SPINK1: variants seen among roughly 807,000 people sequenced by gnomAD.
SPINK1 encodes serine protease inhibitor Kazal-type 1.
A neutral mutation model predicts 9.5 loss-of-function variants in SPINK1; 5 were observed. That is an observed-to-expected ratio of 0.52 (90% CI 0.27 to 1.10). The LOEUF (loss-of-function observed/expected upper bound fraction) is 1.10, where lower values mean the gene tolerates loss of function less well. Among genes scored for constraint, SPINK1 ranks in the 50% least tolerant of loss-of-function variants. The probability of loss-of-function intolerance (pLI) is 0.11; values close to 1 mark genes in which losing one functional copy is unlikely to be tolerated. For missense variants in SPINK1, 88 were observed against 92.7 expected (o/e 0.95, Z 0.21); for synonymous variants, 37 against 32.3 (o/e 1.14, Z -0.49).
At chr5:147,833,772 A>T (rs2127140985), upstream of SPINK1, among the ~76,000 whole-genome samples, 1 of 152,292 alleles carries the variant, frequency 6.6e-6, no homozygotes, top group Non-Finnish European at 1.5e-5. Context: ...TGCAAATTTG[A>T]TCATGTATCT....
chr5:147,832,835 C>T (rs187075365), upstream of SPINK1, among the ~76,000 whole-genome samples: 23 of 152,278 alleles, frequency 1.5e-4, 1 homozygote, highest in East Asian at 4.4e-3. Flanking sequence ...TCAAACCCTT[C>T]CCAAGTCATG....
At chr5:147,828,922 C>A (rs2127134975) in intron 2 of SPINK1, among the ~76,000 whole-genome samples, 1 of 152,126 alleles carries the variant, frequency 6.6e-6, no homozygotes, top group Admixed American at 6.5e-5. Context: ...CAAAATAACC[C>A]CTCAGTTACT....
chr5:147,834,620 T>C (rs1047671873), upstream of SPINK1, among the ~76,000 whole-genome samples: 2 of 152,126 alleles, frequency 1.3e-5, no homozygotes, highest in African/African-American at 2.4e-5. Context: ...GGTTCATATA[T>C]GAGAAAAGGA....
In SPINK1 at chr5:147,827,351, G is replaced by A. The variant is rs889082209; in HGVS notation, c.194+671C>T. ...CGGCTGGCATTCTATTCTTTTCATG[G>A]ATCCTTTCTTGGCCCCTTTTAATAA... is the stretch of plus-strand genomic sequence containing the variant. On this transcript the variant is annotated intron_variant, in intron 3 of 3. Transcript: ENST00000296695. 5 of 152,416 alleles carry A rather than the reference G, an allele frequency of 3.3e-5. No individual in the cohort carries two copies. In the East Asian group the frequency reaches 9.6e-4, roughly 29 times the overall value. The allele number at this position is 152,416 out of a possible 1,614,324, so 9.4% of individuals were successfully genotyped here.
intron 1 of SPINK1, among the ~76,000 whole-genome samples, chr5:147,830,682 T>C (rs184729620): frequency 1.3e-4 from 20 of 152,294 alleles, no homozygotes; most frequent in African/African-American, 4.1e-4. Flanking sequence ...TTGCCATAAA[T>C]ATTCAGCAAA....
upstream of SPINK1, among the ~76,000 whole-genome samples, chr5:147,836,282 T>C (rs1317747783): frequency 1.4e-5 from 2 of 144,972 alleles, no homozygotes; most frequent in Non-Finnish European, 3.0e-5. Flanking sequence ...TTAACAGATA[T>C]GGTATTTACT....
chr5:147,835,415 T>G (rs1756580155), upstream of SPINK1, among the ~76,000 whole-genome samples: 1 of 152,076 alleles, frequency 6.6e-6, no homozygotes, highest in Non-Finnish European at 1.5e-5. Flanking sequence ...GAATAAATAT[T>G]GTTTGCCCCG....
chr5:147,826,225 G>C (rs1756401466), intron 3 of SPINK1, among the ~76,000 whole-genome samples: 1 of 152,198 alleles, frequency 6.6e-6, no homozygotes, highest in Non-Finnish European at 1.5e-5. Context: ...TTATCTACTT[G>C]TCTCAAACTA....
chr5:147,828,498 C>A (rs1356254739), intron 2 of SPINK1, among the ~76,000 whole-genome samples: 1 of 152,128 alleles, frequency 6.6e-6, no homozygotes, highest in Non-Finnish European at 1.5e-5. Context: ...CTCAGGTTGG[C>A]CACATCTTGG....
chr5:147,825,352 C>T (rs956077763), intron 3 of SPINK1, among the ~76,000 whole-genome samples: 66 of 152,030 alleles, frequency 4.3e-4, no homozygotes, highest in Admixed American at 2.7e-3. Flanking sequence ...TTTGAATGTA[C>T]GGGCTTACAA....
chr5:147,829,737 G>T, intron 1 of SPINK1, 107 bp from the exon 2 acceptor site: 1 of 991,580 alleles, frequency 1.0e-6, no homozygotes, highest in Non-Finnish European at 1.6e-6. Flanking sequence ...TCTTTACTAG[G>T]CTCTTTCATT....
chr5:147,827,828 C>A, intron 3 of SPINK1, 194 bp downstream of exon 3: 1 of 497,366 alleles, frequency 2.0e-6, no homozygotes, highest in Non-Finnish European at 3.5e-6. Flanking sequence ...AAAATATAGG[C>A]TTTTATCATA....
intron 3 of SPINK1, among the ~76,000 whole-genome samples, chr5:147,825,568 A>G (rs374099845): frequency 1.3e-5 from 2 of 151,836 alleles, no homozygotes; most frequent in East Asian, 1.9e-4. Context: ...CAGCCTCCCA[A>G]GTAGCTGGGA....
intron 1 of SPINK1, among the ~76,000 whole-genome samples, chr5:147,830,708 T>G (rs1402430628): frequency 1.3e-5 from 2 of 152,138 alleles, no homozygotes; most frequent in African/African-American, 2.4e-5. Context: ...CAAACAATAT[T>G]CTTCCTCTTC....
rs1489953404 is a variant in SPINK1, at chr5:147,828,139, A to C, written c.88-11T>G. 6.3e-7 allele frequency: 1 copy of C among 1,586,764 alleles called. No homozygotes were observed. Among genetic ancestry groups the C allele is most frequent in the South Asian group, 1.1e-5 (1 of 90,144 alleles). On this transcript the variant is annotated splice_polypyrimidine_tract_variant and intron_variant, in intron 2 of 3. Transcript: ENST00000296695. Reference sequence around the variant, plus strand: ...ATTGTAACATTTGGCCTAAAAATGGAATTAAACAGAATCATTTCCCATTAT... The same window carrying C: ...ATTGTAACATTTGGCCTAAAAATGGCATTAAACAGAATCATTTCCCATTAT...
upstream of SPINK1, among the ~76,000 whole-genome samples, chr5:147,832,900 T>C (rs1756532699): frequency 6.6e-6 from 1 of 152,168 alleles, no homozygotes. Context: ...TAACAATCTC[T>C]GTCTTCATGG....
chr5:147,835,562 A>G (rs1345332405), upstream of SPINK1, among the ~76,000 whole-genome samples: 1 of 152,026 alleles, frequency 6.6e-6, no homozygotes, highest in Non-Finnish European at 1.5e-5. Context: ...ATATTTATGC[A>G]TGTCTATCTT....
At position 147,828,103 on chromosome 5, in the gene SPINK1, C is replaced by T. The variant is rs1580941617; in HGVS notation, c.113G>A (p.Gly38Glu). ...GACAGGGTCATATATCTTGGTGCAT[C>T]CATTAAGTTCATTGTAACATTTGGC... The part of the protein sequence containing the change: ...REAKCYNELN[G>E]CTKIYDPVCG... Residue 38 changes from glycine to glutamate, a missense_variant, in exon 3 of 4, where the codon GGA (glycine) becomes GAA (glutamate). Gly to Glu is a moderately conservative substitution (Grantham distance 98). Coordinates refer to ENST00000296695, the MANE Select transcript of SPINK1 (RefSeq NM_001379610.1). 6.2e-7 allele frequency: 1 copy of T among 1,613,040 alleles called. No individual in the cohort carries two copies. Among genetic ancestry groups the T allele is most frequent in the South Asian group, 1.1e-5 (1 of 90,992 alleles).
intron 3 of SPINK1, among the ~76,000 whole-genome samples, chr5:147,825,870 T>A (rs1476309728): frequency 6.6e-6 from 1 of 152,236 alleles, no homozygotes; most frequent in East Asian, 1.9e-4. Flanking sequence ...TGCTATGCTG[T>A]TCACTCTAGT....
Sources: gnomAD v4.1 joint callset for allele counts (sites outside exome capture counted in the v4.1 genomes callset) on GRCh38, gnomAD v4.1.1 for gene constraint, MANE v1.5 for transcripts, NCBI Gene and HGNC (gene_info 2026-07-23, HGNC 2026-07-21) for gene names.